The following HNRNPUL2 variants were observed in gnomAD, a reference collection of about 807,000 sequenced individuals.
HNRNPUL2 encodes the protein heterogeneous nuclear ribonucleoprotein U like 2.
A neutral mutation model predicts 102.2 loss-of-function variants in HNRNPUL2; 27 were observed. The observed-to-expected ratio is 0.26, with a 90% CI of 0.19 to 0.36. The LOEUF is 0.36. Among genes scored for constraint, HNRNPUL2 ranks in the 10% least tolerant of loss-of-function variants. The probability of loss-of-function intolerance (pLI) is 1.00; values close to 1 mark genes in which losing one functional copy is unlikely to be tolerated. For synonymous variants in HNRNPUL2, 458 were observed against 387.2 expected (o/e 1.18, Z -2.15); for missense variants, 936 against 981.1 (o/e 0.95, Z 0.61).
Position 62,727,115 on chromosome 11 carries a change from C to T in HNRNPUL2, c.42G>A (p.Glu14=). 1 of 1,448,060 alleles carries T rather than the reference C, an allele frequency of 6.9e-7. No homozygotes were observed. Among genetic ancestry groups the T allele is most frequent in the South Asian group, 1.3e-5 (1 of 75,902 alleles). 89.7% of individuals were successfully genotyped at this position (1,448,060 alleles called of 1,614,324 possible). The change falls in exon 1 of 14, where the codon GAG becomes GAA. Residue 14 remains glutamate (E), a synonymous_variant. Coordinates refer to ENST00000301785, the MANE Select transcript of HNRNPUL2 (RefSeq NM_001079559.3). ...KRLKVTELRS[E]LQRRGLDSRG... ...GCGAGTCCAGGCCCCGCCGCTGCAG[C>T]TCCGACCGCAGCTCGGTCACTTTCA...
chr11:62,721,339 C>T lies in HNRNPUL2; in HGVS notation c.1567G>A (p.Val523Ile). Residue 523 changes from valine to isoleucine, a missense_variant, in exon 9 of 14, where the codon GTC becomes ATC. Transcript: ENST00000301785. ...QQASQCLSKL[V>I]QIASRTKRNF... is the part of the protein sequence containing the mutation. ...CTCTTTGTCCGGGAAGCAATCTGGA[C>T]CAGCTTACTAAGGCACTGGGAGGCT... is the stretch of plus-strand genomic sequence containing the variant. The T allele has an allele frequency of 1.2e-6, 2 of 1,609,226 alleles. No homozygotes were observed. The highest frequency in any genetic ancestry group is 1.7e-6 in the Non-Finnish European group (2 of 1,178,532).
rs1468935859 is a variant in HNRNPUL2 at position 62,727,213 on chromosome 11, A to G, written c.-57T>C. 3 of 1,318,088 alleles carry G rather than the reference A, an allele frequency of 2.3e-6. No homozygotes were observed. Among genetic ancestry groups the G allele is most frequent in the African/African-American group, 3.2e-5 (2 of 63,486 alleles). 81.6% of individuals were successfully genotyped at this position (1,318,088 alleles called of 1,614,324 possible). ...CTCCTCCCCTGCGAACCGTCGACCG[A>G]GTCCGACCGCGCAGGCGCCGCCGCC... is the stretch of plus-strand genomic sequence containing the variant. On this transcript the variant is annotated 5_prime_UTR_variant, in exon 1 of 14. Transcript: ENST00000301785.
At chr11:62,718,457 T>A (rs769083777) in intron 10 of HNRNPUL2, among the ~76,000 whole-genome samples, 2 of 152,060 alleles carry the variant, frequency 1.3e-5, no homozygotes, top group Non-Finnish European at 2.9e-5. Flanking sequence ...TCCCAGCACT[T>A]TGGGAGGCCG....
chr11:62,723,026 A>C (rs533771836), intron 4 of HNRNPUL2, 123 bp from the exon 5 acceptor site: 1 of 698,252 alleles, frequency 1.4e-6, no homozygotes, highest in East Asian at 2.7e-5. Context: ...ACATCAGAAT[A>C]ACAATCACTG....
At chr11:62,719,628 A>G (rs2083685326) in intron 10 of HNRNPUL2, among the ~76,000 whole-genome samples, 1 of 152,210 alleles carries the variant, frequency 6.6e-6, no homozygotes, top group African/African-American at 2.4e-5. Flanking sequence ...GACCAGGGAT[A>G]AGATCTCTTT....
At position 62,718,828 on chromosome 11, in the gene HNRNPUL2, C is replaced by CT. The variant is rs1217417694; in HGVS notation, c.1780+1194dup. Among the ~76,000 whole-genome samples the CT allele has an allele frequency of 9.8e-4, 142 of 145,434 alleles. 5 individuals are homozygous for CT. The highest frequency in any genetic ancestry group is 3.4e-3 in the Admixed American group (50 of 14,530). On this transcript the variant is annotated intron_variant, in intron 10 of 13. Transcript: ENST00000301785. ...TTGAGTTTAAATTACCCTACGGTCA[C>CT]TTTTTTTTTTTTGAGACCGAGTCTT...
chr11:62,724,883 T>C (rs1221882168), intron 1 of HNRNPUL2, among the ~76,000 whole-genome samples: 1 of 152,218 alleles, frequency 6.6e-6, no homozygotes, highest in African/African-American at 2.4e-5. Context: ...TCAATTTCTT[T>C]TATTTCCCTT....
At position 62,723,592 on chromosome 11, in the gene HNRNPUL2, C is replaced by A; in HGVS notation, c.886G>T (p.Ala296Ser). The A allele has an allele frequency of 1.2e-6, 2 of 1,604,282 alleles. No individual in the cohort carries two copies. Among genetic ancestry groups the A allele is most frequent in the Non-Finnish European group, 1.7e-6 (2 of 1,174,986 alleles). ...GAATGGTCTTAATGAGCTACCTTTG[C>A]CTCAAAGCAGACTTTTCCCTTTGTC... ...GVTKGKVCFE[A>S]KVTQNLPMKE... Residue 296 changes from alanine (A) to serine (S), a missense_variant, in exon 4 of 14, where the codon GCA becomes TCA. This residue lies in a region of HNRNPUL2 where 609 missense variants were observed against 713.0 expected (regional missense o/e 0.85). Transcript: ENST00000301785.
At position 62,714,154 on chromosome 11, in the gene HNRNPUL2, T is replaced by G. The variant is rs975204152; in HGVS notation, c.*1145A>C. The stretch of plus-strand genomic sequence containing the variant: ...TGCCTCCCACCCCCCCCCACCACCC[T>G]CCCCTCTTCTATTCATTCTCTACCT... On this transcript the variant is annotated 3_prime_UTR_variant, in exon 14 of 14. Transcript: ENST00000301785. 1 of 41,160 alleles carries G rather than the reference T, an allele frequency of 2.4e-5. No homozygotes were observed. Among genetic ancestry groups the G allele is most frequent in the Admixed American group, 2.2e-4 (1 of 4,558 alleles). The allele number at this position is 41,160 out of a possible 1,614,324, so 2.5% of individuals were successfully genotyped here.
chr11:62,719,922 T>A, intron 10 of HNRNPUL2, 101 bp downstream of exon 10: 1 of 1,140,816 alleles, frequency 8.8e-7, no homozygotes, highest in Non-Finnish European at 1.3e-6. Context: ...GCTCTTGGAC[T>A]TCCTAGCCTC....
At chr11:62,724,579 G>C (rs945696563) in intron 1 of HNRNPUL2, among the ~76,000 whole-genome samples, 153 bp from the exon 2 acceptor site, 1 of 152,146 alleles carries the variant, frequency 6.6e-6, no homozygotes, top group African/African-American at 2.4e-5. Context: ...TATTTCTAAA[G>C]ATCAGCTTTC....
In HNRNPUL2 at chr11:62,722,336, T is replaced by C. The variant is rs1399005080; in HGVS notation, c.1140A>G (p.Gly380=). The C allele has an allele frequency of 6.2e-7, 1 of 1,614,004 alleles. No homozygotes were observed. Among genetic ancestry groups the C allele is most frequent in the Non-Finnish European group, 8.5e-7 (1 of 1,179,930 alleles). ...EEVELSFSKN[G]EDLGVAFWIS... Reference sequence around the variant, plus strand: ...TCCAGAATGCCACACCTAGGTCTTCTCCATTCTTGGAGAAGGAAAGTTCTA... The same window carrying C: ...TCCAGAATGCCACACCTAGGTCTTCCCCATTCTTGGAGAAGGAAAGTTCTA... The change falls in exon 7 of 14, where the codon GGA becomes GGG. Residue 380 remains glycine (G), a synonymous_variant. Transcript: ENST00000301785.
chr11:62,715,606 C>T lies in HNRNPUL2; in HGVS notation c.2057G>A (p.Gly686Asp), dbSNP rs539992354. Reference protein sequence around the residue: ...QYWGQPGNRGGYRNFYDRYRG... With the variant: ...QYWGQPGNRGDYRNFYDRYRG... ...GTATCGATCATAGAAATTACGGTAA[C>T]CCTGAGAAAGGAAAAGAAAAAGGAG... is the stretch of plus-strand genomic sequence containing the variant. Residue 686 changes from glycine (G) to aspartate (D), a missense_variant and splice_region_variant, in exon 13 of 14, where the codon GGT (glycine) becomes GAT (aspartate). By Grantham distance (94) the Gly-to-Asp change is moderately conservative. Coordinates refer to ENST00000301785, the MANE Select transcript of HNRNPUL2 (RefSeq NM_001079559.3). The T allele has an allele frequency of 1.2e-6, 2 of 1,610,560 alleles. No individual in the cohort carries two copies. Among genetic ancestry groups the T allele is most frequent in the Admixed American group, 1.7e-5 (1 of 59,974 alleles).
Position 62,726,831 on chromosome 11 carries a change from G to A in HNRNPUL2, c.326C>T (p.Pro109Leu). 1 of 1,590,150 alleles carries A rather than the reference G, an allele frequency of 6.3e-7. No homozygotes were observed. The highest frequency in any genetic ancestry group is 8.5e-7 in the Non-Finnish European group (1 of 1,175,234). Residue 109 changes from proline to leucine, a missense_variant, in exon 1 of 14, where the codon CCG becomes CTG. Pro to Leu is a moderately conservative substitution (Grantham distance 98). This residue lies in a region of HNRNPUL2 where 327 missense variants were observed against 268.1 expected (regional missense o/e 1.22). Transcript: ENST00000301785. ...TGCCGCCTCCGGGGGCTCCGGCGGC[G>A]GCTGCGCGGCCTGACCCAAGGCTTG... ...PAQALGQAAQ[P>L]PPEPPEAAAM...
chr11:62,726,172 G>A (rs2083744331), intron 1 of HNRNPUL2, among the ~76,000 whole-genome samples: 1 of 152,132 alleles, frequency 6.6e-6, no homozygotes, highest in South Asian at 2.1e-4. Flanking sequence ...TTAATGGAAC[G>A]GACTTTGACG....
Position 62,727,170 on chromosome 11 carries a change from T to TCCTCCGCCTC in HNRNPUL2, c.-24_-15dup. 7.1e-7 allele frequency: 1 copy of TCCTCCGCCTC among 1,411,012 alleles called. No individual in the cohort carries two copies. The highest frequency in any genetic ancestry group is 3.2e-5 in the East Asian group (1 of 31,244). 87.4% of individuals were successfully genotyped at this position (1,411,012 alleles called of 1,614,324 possible). A position where few individuals can be genotyped will look rare whatever the true frequency, so the allele number is the denominator to read the frequency against. ...CTTCACCTCCATCGCCGCCGCCGCC[T>TCCTCCGCCTC]CCTCCGCCTCCCGCCGCCTCCTCCC... On this transcript the variant is annotated 5_prime_UTR_variant, in exon 1 of 14. Transcript: ENST00000301785.
Position 62,723,688 on chromosome 11 carries a change from A to C in HNRNPUL2, c.790T>G (p.Tyr264Asp). The C allele has an allele frequency of 6.2e-7, 1 of 1,614,208 alleles. No individual in the cohort carries two copies. The highest frequency in any genetic ancestry group is 8.5e-7 in the Non-Finnish European group (1 of 1,180,050). The change falls in exon 4 of 14, where the codon TAT (tyrosine) becomes GAT (aspartate). Residue 264 changes from tyrosine to aspartate, a missense_variant. Physicochemically the swap from Tyr to Asp is radical, Grantham distance 160. This residue lies in a region of HNRNPUL2 where 609 missense variants were observed against 713.0 expected (regional missense o/e 0.85). Transcript: ENST00000301785. ...DLHFQVSKDR[Y>D]GGQPLFSEKF... ...TCTGAGAAAAGTGGCTGCCCTCCAT[A>C]GCGGTCTTTGCTCACTTGAAAATGC... is the stretch of plus-strand genomic sequence containing the variant.
rs1009749391 is a variant in HNRNPUL2, at chr11:62,727,058, C to T, written c.99G>A (p.Leu33=). 37 of 1,424,320 alleles carry T rather than the reference C, an allele frequency of 2.6e-5. No individual in the cohort carries two copies. Among genetic ancestry groups the T allele is most frequent in the Non-Finnish European group, 3.2e-5 (35 of 1,088,238 alleles). The allele number at this position is 1,424,320 out of a possible 1,614,324, so 88.2% of individuals were successfully genotyped here. Residue 33 remains leucine, a synonymous_variant, in exon 1 of 14, where the codon CTG becomes CTA. Coordinates refer to ENST00000301785, the MANE Select transcript of HNRNPUL2 (RefSeq NM_001079559.3). The part of the protein sequence containing the change: ...RGLKVDLAQR[L]QEALDAEMLE... ...GCATCTCGGCGTCCAGCGCCTCCTG[C>T]AGCCGCTGCGCCAGATCCACCTTGA... is the stretch of plus-strand genomic sequence containing the variant.
chr11:62,722,449 A>G, intron 6 of HNRNPUL2, 69 bp from the exon 7 acceptor site: 1 of 1,551,444 alleles, frequency 6.4e-7, no homozygotes, highest in South Asian at 1.2e-5. Flanking sequence ...TTTACAATTT[A>G]TTCTTTTTTC....
Sources: allele counts gnomAD v4.1 joint callset (sites outside exome capture counted in the v4.1 genomes callset), GRCh38; gene constraint gnomAD v4.1.1; regional missense constraint gnomAD v4.1.1; transcripts MANE v1.5; gene names NCBI Gene and HGNC (gene_info 2026-07-23, HGNC 2026-07-21).